Variants in KLHL4 observed in about 807,000 individuals in gnomAD.
KLHL4 encodes kelch-like protein 4.
A neutral mutation model predicts 45.8 loss-of-function variants in KLHL4; 17 were observed. That is an observed-to-expected ratio of 0.37 (90% CI 0.25 to 0.56). The LOEUF is 0.56. Ranked by LOEUF, KLHL4 falls within the 20% of genes least tolerant of loss-of-function variation. The pLI is 0.79. For synonymous variants in KLHL4, 224 were observed against 189.9 expected, an observed-to-expected ratio of 1.18 and a Z score of -1.47; for missense variants, 544 against 544.9, an observed-to-expected ratio of 1.00 and a Z score of 0.02.
chrX:87,655,797 A>T (rs1923972374), intron 9 of KLHL4, among the ~76,000 whole-genome samples: 1 of 111,921 alleles, frequency 8.9e-6, no homozygotes, highest in South Asian at 3.6e-4. Flanking sequence ...TTATACTTTC[A>T]GATGTTTTTA....
chrX:87,541,366 T>TCCCAGCTA (rs202169225), intron 1 of KLHL4, among the ~76,000 whole-genome samples: 1,870 of 107,169 alleles, frequency 0.017, 21 homozygotes, highest in Non-Finnish European at 0.027. Context: ...ACACCTGTAG[T>TCCCAGCTA]CCCAGCTACT....
chrX:87,617,955 A>G lies in KLHL4; in HGVS notation c.751A>G (p.Thr251Ala), dbSNP rs1922616067. 1.7e-6 allele frequency: 2 copies of G among 1,208,110 alleles called. No homozygotes were observed. Among genetic ancestry groups the G allele is most frequent in the Non-Finnish European group, 1.1e-6 (1 of 893,886 alleles). The change falls in exon 4 of 11, where the codon ACC becomes GCC. Residue 251 changes from threonine to alanine, a missense_variant. Physicochemically the swap from Thr to Ala is moderately conservative, Grantham distance 58. Transcript: ENST00000373119. ...YTGVLQLKED[T>A]IESLLAAACL... ...AGGAGTCCTGCAATTGAAAGAAGAT[A>G]CCATTGAAAGTTTGCTGGCTGCAGC...
At chrX:87,547,160 C>T (rs754058064) in intron 1 of KLHL4, among the ~76,000 whole-genome samples, 1 of 111,495 alleles carries the variant, frequency 9.0e-6, no homozygotes, top group Admixed American at 9.5e-5. Context: ...CTTTGTGTCC[C>T]CATCCAAATC....
intron 1 of KLHL4, among the ~76,000 whole-genome samples, chrX:87,548,511 T>C (rs1931732397): frequency 8.9e-6 from 1 of 111,872 alleles, no homozygotes; most frequent in Admixed American, 9.5e-5. Flanking sequence ...AAACAACTTT[T>C]ATTCTAAGTA....
chrX:87,657,149 C>T (rs914546591), intron 9 of KLHL4, among the ~76,000 whole-genome samples: 1 of 112,110 alleles, frequency 8.9e-6, no homozygotes, highest in African/African-American at 3.2e-5. Context: ...ACCTACAGGC[C>T]AGTACGTGGC....
chrX:87,661,508 T>G (rs1924188147), intron 9 of KLHL4, among the ~76,000 whole-genome samples: 1 of 111,493 alleles, frequency 9.0e-6, no homozygotes, highest in South Asian at 3.7e-4. Flanking sequence ...TCTAGCACCA[T>G]AGAGTGTTGA....
intron 6 of KLHL4, among the ~76,000 whole-genome samples, chrX:87,629,201 C>T (rs1923024832): frequency 9.0e-6 from 1 of 111,095 alleles, no homozygotes; most frequent in Non-Finnish European, 1.9e-5. Context: ...TGGGTAAGAG[C>T]TTAGAAATGA....
chrX:87,608,926 C>G (rs1922284633), intron 1 of KLHL4, among the ~76,000 whole-genome samples: 1 of 110,142 alleles, frequency 9.1e-6, no homozygotes, highest in Non-Finnish European at 1.9e-5. Context: ...CCCCACCCCA[C>G]AACAGGCCCC....
At chrX:87,610,784 G>A (rs1922343508) in intron 1 of KLHL4, among the ~76,000 whole-genome samples, 1 of 111,515 alleles carries the variant, frequency 9.0e-6, no homozygotes, top group Admixed American at 9.6e-5. Flanking sequence ...ATTAAAACAA[G>A]CCTCTGTGGC....
At chrX:87,666,364 G>T in intron 10 of KLHL4, 111 bp from the exon 11 acceptor site, 2 of 674,912 alleles carry the variant, frequency 3.0e-6, no homozygotes, top group Middle Eastern at 1.1e-3. Flanking sequence ...TAGACAAGGT[G>T]ATGTTAGACC....
chrX:87,597,481 G>A (rs924887401), intron 1 of KLHL4, among the ~76,000 whole-genome samples: 1 of 111,013 alleles, frequency 9.0e-6, no homozygotes, highest in East Asian at 2.8e-4. Context: ...ACGACATACA[G>A]GTCTTAAACT....
At chrX:87,520,550 G>A (rs1440573549) in intron 1 of KLHL4, among the ~76,000 whole-genome samples, 1 of 112,390 alleles carries the variant, frequency 8.9e-6, no homozygotes, top group Non-Finnish European at 1.9e-5. Context: ...AGCCAACATT[G>A]TTAAAGTTAT....
Position 87,664,854 on chromosome X carries a change from C to T in KLHL4, c.2016C>T (p.Leu672=). 2.1e-5 allele frequency: 25 copies of T among 1,200,547 alleles called. No homozygotes were observed. The highest frequency in any genetic ancestry group is 2.7e-5 in the Non-Finnish European group (24 of 885,796). ...AVAVCPLGDK[L]YVVGGYDGHT... is the part of the protein sequence containing the mutation. ...CTGTGTGCCCTCTTGGAGACAAACT[C>T]TACGTGGTTGGAGGATATGACGGAC... The change falls in exon 10 of 11, where the codon CTC becomes CTT. Residue 672 remains leucine, a synonymous_variant. Coordinates refer to ENST00000373119, the MANE Select transcript of KLHL4 (RefSeq NM_019117.5).
At chrX:87,616,515 C>T (rs1289807019) in intron 3 of KLHL4, among the ~76,000 whole-genome samples, 1 of 111,602 alleles carries the variant, frequency 9.0e-6, no homozygotes, top group African/African-American at 3.2e-5. Flanking sequence ...AGTAAGCATT[C>T]GTAGGATAAG....
At chrX:87,604,575 G>T (rs938356053) in intron 1 of KLHL4, among the ~76,000 whole-genome samples, 4 of 110,136 alleles carry the variant, frequency 3.6e-5, no homozygotes, top group Non-Finnish European at 7.6e-5. Context: ...GTCCATTTTT[G>T]TGACATGACT....
At chrX:87,654,301 T>C (rs1744077866) in intron 9 of KLHL4, among the ~76,000 whole-genome samples, 2 of 111,496 alleles carry the variant, frequency 1.8e-5, no homozygotes, top group South Asian at 7.6e-4. Flanking sequence ...ACCCTCCACC[T>C]GCCTCACTAT....
intron 9 of KLHL4, among the ~76,000 whole-genome samples, chrX:87,658,912 ACTGT>A (rs1374929109): frequency 9.0e-6 from 1 of 110,729 alleles, no homozygotes; most frequent in African/African-American, 3.3e-5. Context: ...TGCTTACAAT[ACTGT>A]CTCTTTATCT....
intron 1 of KLHL4, among the ~76,000 whole-genome samples, chrX:87,544,297 C>A (rs746444644): frequency 9.0e-6 from 1 of 111,433 alleles, no homozygotes; most frequent in African/African-American, 3.3e-5. Context: ...GCCAGTTCAG[C>A]CACAATACAG....
chrX:87,614,017 C>T lies in KLHL4; in HGVS notation c.563C>T (p.Ala188Val). The change falls in exon 2 of 11, where the codon GCA becomes GTA. Residue 188 changes from alanine to valine, a missense_variant. Coordinates refer to ENST00000373119, the MANE Select transcript of KLHL4 (RefSeq NM_019117.5). ...EKQLCDVLLI[A>V]GHLRIPAHRL... ...CAACTATGTGATGTGCTACTGATTG[C>T]AGGACACCTCCGCATCCCAGCCCAT... is the stretch of plus-strand genomic sequence containing the variant. 8.3e-7 allele frequency: 1 copy of T among 1,204,414 alleles called. No individual in the cohort carries two copies. Among genetic ancestry groups the T allele is most frequent in the Non-Finnish European group, 1.1e-6 (1 of 891,788 alleles).
Sources: allele counts gnomAD v4.1 joint callset (sites outside exome capture counted in the v4.1 genomes callset), GRCh38; gene constraint gnomAD v4.1.1; transcripts MANE v1.5; gene names NCBI Gene and HGNC (gene_info 2026-07-23, HGNC 2026-07-21).